The following C1QTNF3 variants were observed in gnomAD, a reference collection of about 807,000 sequenced individuals.
C1QTNF3 encodes C1q and TNF related 3, also known as complement C1q tumor necrosis factor-related protein 3.
Under a neutral mutation model 32.6 loss-of-function variants are expected in C1QTNF3, and 26 were observed. That is an observed-to-expected ratio of 0.80 (90% CI 0.58 to 1.11). C1QTNF3 has a LOEUF of 1.11. Ranked by LOEUF, C1QTNF3 falls within the 50% of genes least tolerant of loss-of-function variation. The probability of loss-of-function intolerance (pLI) is 0.00; values close to 1 mark genes in which losing one functional copy is unlikely to be tolerated. For synonymous variants in C1QTNF3, 155 were observed against 146.0 expected (o/e 1.06, Z -0.44); for missense variants, 362 against 398.2 (o/e 0.91, Z 0.77).
chr5:34,027,240 G>C (rs1457139568), intron 4 of C1QTNF3, among the ~76,000 whole-genome samples: 1 of 152,118 alleles, frequency 6.6e-6, no homozygotes, highest in African/African-American at 2.4e-5. Context: ...TTGTTGATAA[G>C]GCTATCAGGA....
chr5:34,026,088 T>G (rs1480647863), intron 4 of C1QTNF3, among the ~76,000 whole-genome samples: 2 of 152,180 alleles, frequency 1.3e-5, no homozygotes, highest in South Asian at 4.1e-4. Context: ...TATAGAGAAA[T>G]GAGTAGAATT....
At chr5:34,024,960 T>A (rs1754423867) in intron 4 of C1QTNF3, among the ~76,000 whole-genome samples, 1 of 152,230 alleles carries the variant, frequency 6.6e-6, no homozygotes, top group African/African-American at 2.4e-5. Flanking sequence ...ATAGCTTTAA[T>A]AGAAGATAGT....
chr5:34,078,730 C>G, the C1QTNF3 span, among the ~76,000 whole-genome samples: 1 of 151,654 alleles, frequency 6.6e-6, no homozygotes, highest in African/African-American at 2.4e-5. The surrounding 1 kb of genome is among the most constrained non-coding windows in gnomAD (Gnocchi z 4.0). Flanking sequence ...TAGGCACTCC[C>G]CTCTGTTTGT....
the C1QTNF3 span, among the ~76,000 whole-genome samples, chr5:34,088,953 C>A: frequency 4.0e-5 from 6 of 151,510 alleles, no homozygotes; most frequent in East Asian, 9.7e-4. Context: ...TTTTTGATAA[C>A]CTCCTTGTTC....
the C1QTNF3 span, among the ~76,000 whole-genome samples, chr5:34,101,584 CTT>C: frequency 6.6e-6 from 1 of 150,744 alleles, no homozygotes; most frequent in African/African-American, 2.4e-5. Flanking sequence ...AATAGTGACA[CTT>C]TTTCAAATTT....
chr5:34,085,682 GA>G, the C1QTNF3 span, among the ~76,000 whole-genome samples: 1 of 151,660 alleles, frequency 6.6e-6, no homozygotes, highest in Non-Finnish European at 1.5e-5. Context: ...ACAAACATAT[GA>G]AAAAAAGCTC....
chr5:34,146,134 T>C, the C1QTNF3 span, among the ~76,000 whole-genome samples: 1 of 152,088 alleles, frequency 6.6e-6, no homozygotes, highest in Non-Finnish European at 1.5e-5. Context: ...ATTCAACATA[T>C]ACTAGAAGTC....
the C1QTNF3 span, among the ~76,000 whole-genome samples, chr5:34,162,938 G>A: frequency 6.6e-6 from 1 of 152,084 alleles, no homozygotes; most frequent in Non-Finnish European, 1.5e-5. Context: ...ACAGAGAAGA[G>A]AGAACAAGAT....
At chr5:34,173,479 T>C in the C1QTNF3 span, among the ~76,000 whole-genome samples, 32 of 139,080 alleles carry the variant, frequency 2.3e-4, no homozygotes, top group African/African-American at 8.4e-4. Flanking sequence ...TTTTTCAAAA[T>C]TCTGTTGTTG....
chr5:34,136,978 C>A, the C1QTNF3 span, among the ~76,000 whole-genome samples: 2 of 151,234 alleles, frequency 1.3e-5, no homozygotes, highest in East Asian at 2.0e-4. Context: ...TGGGGAACAT[C>A]ATACACCAGG....
chr5:34,070,369 A>G, the C1QTNF3 span, among the ~76,000 whole-genome samples: 64 of 152,222 alleles, frequency 4.2e-4, no homozygotes, highest in African/African-American at 1.5e-3. Context: ...GTTTTGCTTT[A>G]TGTTACAAAA....
At chr5:34,161,799 C>T in the C1QTNF3 span, among the ~76,000 whole-genome samples, 25 of 152,012 alleles carry the variant, frequency 1.6e-4, no homozygotes, top group African/African-American at 6.0e-4. Context: ...TATACAATGA[C>T]AAAGCTTGGG....
At chr5:34,212,824 A>G in the C1QTNF3 span, among the ~76,000 whole-genome samples, 13,216 of 149,592 alleles carry the variant, frequency 0.088, 1,406 homozygotes, top group African/African-American at 0.26. Context: ...AAACTAGTTC[A>G]ACCATTGTGG....
chr5:34,238,955 C>A, the C1QTNF3 span, among the ~76,000 whole-genome samples: 1 of 152,168 alleles, frequency 6.6e-6, no homozygotes. Flanking sequence ...TCAGCAAAAA[C>A]CTTACAAGCC....
the C1QTNF3 span, among the ~76,000 whole-genome samples, chr5:34,225,186 T>A: frequency 6.6e-6 from 1 of 151,826 alleles, no homozygotes; most frequent in East Asian, 1.9e-4. Flanking sequence ...CCCAATTTTG[T>A]GGAAGAATGG....
At chr5:34,205,693 A>G in the C1QTNF3 span, among the ~76,000 whole-genome samples, 66 of 151,124 alleles carry the variant, frequency 4.4e-4, no homozygotes, top group African/African-American at 1.5e-3. Context: ...GTAGTTCTTT[A>G]TAACAATGGG....
At chr5:34,066,798 T>A in the C1QTNF3 span, among the ~76,000 whole-genome samples, 1 of 152,178 alleles carries the variant, frequency 6.6e-6, no homozygotes, top group African/African-American at 2.4e-5. Flanking sequence ...AAAATTTGGC[T>A]CTTTCTTACT....
chr5:34,158,059 A>T, the C1QTNF3 span: 1 of 151,880 alleles, frequency 6.6e-6, no homozygotes, highest in Non-Finnish European at 1.5e-5. Context: ...AAAGTATGGG[A>T]ACTAATCAAT....
the C1QTNF3 span, among the ~76,000 whole-genome samples, chr5:34,225,834 T>G: frequency 1.3e-5 from 2 of 151,824 alleles, no homozygotes; most frequent in Non-Finnish European, 3.0e-5. Context: ...AAGATTTGGT[T>G]GCAACTTATT....
Sources: allele counts gnomAD v4.1 joint callset (sites outside exome capture counted in the v4.1 genomes callset), GRCh38; gene constraint gnomAD v4.1.1; non-coding constraint Gnocchi (gnomAD v3.1); transcripts MANE v1.5; gene names NCBI Gene and HGNC (gene_info 2026-07-23, HGNC 2026-07-21).